Variants in TESK2 observed in about 807,000 individuals in gnomAD.
TESK2 encodes the protein dual specificity testis-specific protein kinase 2.
A neutral mutation model predicts 57.1 loss-of-function variants in TESK2; 39 were observed. The ratio of observed to expected loss-of-function variants is 0.68; its 90% CI spans 0.53 to 0.89. The LOEUF (loss-of-function observed/expected upper bound fraction) is 0.89. Ranked by LOEUF, TESK2 falls within the 40% of genes least tolerant of loss-of-function variation. The probability of loss-of-function intolerance (pLI) is 0.00; values close to 1 mark genes in which losing one functional copy is unlikely to be tolerated. For missense variants in TESK2, 646 were observed against 732.1 expected, an observed-to-expected ratio of 0.88 and a Z score of 1.36; for synonymous variants, 249 against 267.9, an observed-to-expected ratio of 0.93 and a Z score of 0.69.
intron 2 of TESK2, among the ~76,000 whole-genome samples, chr1:45,453,667 T>A (rs1651963344): frequency 6.6e-6 from 1 of 152,018 alleles, no homozygotes; most frequent in African/African-American, 2.4e-5. Context: ...AAGCAAAAGG[T>A]AACAAAAGAA....
chr1:45,416,378 A>G (rs968730372), intron 3 of TESK2, among the ~76,000 whole-genome samples: 3 of 151,972 alleles, frequency 2.0e-5, no homozygotes, highest in African/African-American at 7.2e-5. Flanking sequence ...AGCTCAAGGA[A>G]TCTGTCTGCC....
At chr1:45,442,995 A>C (rs1361981334) in intron 2 of TESK2, among the ~76,000 whole-genome samples, 2 of 152,228 alleles carry the variant, frequency 1.3e-5, no homozygotes, top group African/African-American at 4.8e-5. Flanking sequence ...TATGTTGGCC[A>C]GGCTGGTCTT....
At chr1:45,425,794 C>A (rs922075033) in intron 2 of TESK2, among the ~76,000 whole-genome samples, 6 of 151,990 alleles carry the variant, frequency 3.9e-5, no homozygotes, top group African/African-American at 1.4e-4. Flanking sequence ...TACTCAGATA[C>A]TAAACTTTCT....
intron 4 of TESK2, among the ~76,000 whole-genome samples, chr1:45,362,758 C>T (rs896696997): frequency 1.3e-5 from 2 of 152,178 alleles, no homozygotes; most frequent in East Asian, 3.8e-4. Flanking sequence ...ATTCATCCAT[C>T]CTTCTGTTCA....
intron 4 of TESK2, among the ~76,000 whole-genome samples, chr1:45,368,398 G>A (rs1014823151): frequency 6.6e-6 from 1 of 151,484 alleles, no homozygotes; most frequent in Non-Finnish European, 1.5e-5. Context: ...TTTTTCAGAC[G>A]GAGTCCCGCT....
intron 3 of TESK2, among the ~76,000 whole-genome samples, chr1:45,392,513 A>C (rs1230858825): frequency 6.6e-6 from 1 of 151,978 alleles, no homozygotes; most frequent in Non-Finnish European, 1.5e-5. Context: ...GACCAGCCTG[A>C]CCAACATGGA....
chr1:45,382,728 G>T (rs190747288), intron 4 of TESK2, among the ~76,000 whole-genome samples: 278 of 152,202 alleles, frequency 1.8e-3, no homozygotes, highest in African/African-American at 6.5e-3. Context: ...AAATTAGCCG[G>T]TCATGGTGGC....
intron 3 of TESK2, among the ~76,000 whole-genome samples, chr1:45,410,425 G>A (rs941168619): frequency 2.0e-5 from 3 of 151,904 alleles, no homozygotes; most frequent in African/African-American, 7.3e-5. Context: ...CTAACATGGT[G>A]AAACCCTGTT....
At chr1:45,451,489 A>C (rs1436165120) in intron 2 of TESK2, among the ~76,000 whole-genome samples, 1 of 152,214 alleles carries the variant, frequency 6.6e-6, no homozygotes, top group African/African-American at 2.4e-5. Flanking sequence ...TGAGGGAGGC[A>C]GCATTCCTAG....
chr1:45,449,943 A>G (rs1651804446), intron 2 of TESK2, among the ~76,000 whole-genome samples: 1 of 152,172 alleles, frequency 6.6e-6, no homozygotes, highest in South Asian at 2.1e-4. Flanking sequence ...TGTGATTGAC[A>G]TTTGAATAGA....
intron 7 of TESK2, among the ~76,000 whole-genome samples, chr1:45,347,390 A>G (rs1647159974): frequency 6.6e-6 from 1 of 152,076 alleles, no homozygotes; most frequent in African/African-American, 2.4e-5. Flanking sequence ...ATATGGTGAA[A>G]CCCTGTCTCT....
chr1:45,345,374 G>C lies in TESK2; in HGVS notation c.1182C>G (p.Ala394=). 1 of 1,614,140 alleles carries C rather than the reference G, an allele frequency of 6.2e-7. No individual in the cohort carries two copies. The highest frequency in any genetic ancestry group is 1.1e-5 in the South Asian group (1 of 91,088). The change falls in exon 11 of 11, where the codon GCC becomes GCG. Residue 394 remains alanine, a synonymous_variant. Transcript: ENST00000372086. The stretch of plus-strand genomic sequence containing the variant: ...TAAAAGGGTTGACTTTGGGGGTGCG[G>C]GCAGCACCATCTCGTGGCCGGTAGT... ...DPYYRPRDGA[A]RTPKVNPFSA...
chr1:45,450,379 G>A (rs943016660), intron 2 of TESK2, among the ~76,000 whole-genome samples: 7 of 152,090 alleles, frequency 4.6e-5, no homozygotes, highest in Non-Finnish European at 8.8e-5. Context: ...GGGCGTGGTG[G>A]CATGAGCCTG....
At chr1:45,427,767 G>T (rs192865386) in intron 2 of TESK2, among the ~76,000 whole-genome samples, 1 of 152,280 alleles carries the variant, frequency 6.6e-6, no homozygotes, top group Non-Finnish European at 1.5e-5. Flanking sequence ...GCTGGGAAGG[G>T]TAGTGTGGGG....
Position 45,345,960 on chromosome 1 carries a change from A to T in TESK2, c.914T>A (p.Ile305Asn), listed in dbSNP as rs758350727. Residue 305 changes from isoleucine to asparagine, a missense_variant, in exon 10 of 11, where the codon ATT becomes AAT. Coordinates refer to ENST00000372086, the MANE Select transcript of TESK2 (RefSeq NM_007170.3). Reference sequence around the variant, plus strand: ...CAGAATTTCCTCCAGGGTCTTCCCAATCTCCACAAAAGATGGGCGCAGTTT... The same window carrying T: ...CAGAATTTCCTCCAGGGTCTTCCCATTCTCCACAAAAGATGGGCGCAGTTT... The part of the protein sequence containing the change: ...DPKLRPSFVE[I>N]GKTLEEILSR... 1 of 1,613,956 alleles carries T rather than the reference A, an allele frequency of 6.2e-7. No homozygotes were observed. Among genetic ancestry groups the T allele is most frequent in the Admixed American group, 1.7e-5 (1 of 59,990 alleles).
rs1322853494 is a variant in TESK2, at chr1:45,345,350, A to G, written c.1206T>C (p.Phe402=). 3.1e-6 allele frequency: 5 copies of G among 1,614,106 alleles called. No individual in the cohort carries two copies. The East Asian group carries it at 1.1e-4, about 36-fold the overall frequency. ...CCCCCATGAGGTCCTGGCGAGCACT[A>G]AAAGGGTTGACTTTGGGGGTGCGGG... ...GAARTPKVNP[F]SARQDLMGGK... The change falls in exon 11 of 11, where the codon TTT becomes TTC. Residue 402 remains phenylalanine (F), a synonymous_variant. Coordinates refer to ENST00000372086, the MANE Select transcript of TESK2 (RefSeq NM_007170.3).
intron 2 of TESK2, among the ~76,000 whole-genome samples, chr1:45,456,655 G>A (rs959196739): frequency 6.6e-6 from 1 of 152,030 alleles, no homozygotes; most frequent in Non-Finnish European, 1.5e-5. Flanking sequence ...GAAAAGAGAG[G>A]GGAGAATTTC....
intron 1 of TESK2, among the ~76,000 whole-genome samples, chr1:45,478,312 C>T (rs1653080673): frequency 6.6e-6 from 1 of 152,150 alleles, no homozygotes; most frequent in Admixed American, 6.6e-5. Flanking sequence ...GCTTTGATAT[C>T]ACCCTGCACA....
intron 3 of TESK2, among the ~76,000 whole-genome samples, chr1:45,399,194 G>C (rs1649496569): frequency 7.0e-6 from 1 of 143,344 alleles, no homozygotes; most frequent in East Asian, 2.0e-4. Context: ...TTTTGCCCAG[G>C]CTGGAGTGCA....
Sources: gnomAD v4.1 joint callset for allele counts (sites outside exome capture counted in the v4.1 genomes callset) on GRCh38, gnomAD v4.1.1 for gene constraint, MANE v1.5 for transcripts, NCBI Gene and HGNC (gene_info 2026-07-23, HGNC 2026-07-21) for gene names.